RFC3: variants seen among roughly 807,000 people sequenced by gnomAD.
RFC3 encodes the protein replication factor C subunit 3.
A neutral mutation model predicts 45.1 loss-of-function variants in RFC3; 41 were observed. The ratio of observed to expected loss-of-function variants is 0.91; its 90% confidence interval spans 0.71 to 1.18. The LOEUF (loss-of-function observed/expected upper bound fraction) is 1.18, where lower values mean the gene tolerates loss of function less well. Among genes scored for constraint, RFC3 ranks in the 50% most tolerant of loss-of-function variants. RFC3 has a pLI of 0.00. For missense variants in RFC3, 423 were observed against 428.1 expected (o/e 0.99, Z 0.10); for synonymous variants, 149 against 144.0 (o/e 1.03, Z -0.25).
At chr13:33,965,206 T>G (rs1212295003) in intron 8 of RFC3, among the ~76,000 whole-genome samples, 1 of 152,164 alleles carries the variant, frequency 6.6e-6, no homozygotes, top group African/African-American at 2.4e-5. Context: ...AGTCCCAAAT[T>G]CGATATGACC....
At chr13:33,915,097 A>G (rs1410007460) in intron 8 of RFC3, among the ~76,000 whole-genome samples, 2 of 152,202 alleles carry the variant, frequency 1.3e-5, no homozygotes, top group African/African-American at 2.4e-5. Flanking sequence ...TCTTAGAGCA[A>G]TAAATAGTTG....
intron 8 of RFC3, among the ~76,000 whole-genome samples, chr13:33,950,925 C>T (rs1332087910): frequency 6.6e-6 from 1 of 152,002 alleles, no homozygotes; most frequent in Non-Finnish European, 1.5e-5. Context: ...CATGTTTACT[C>T]TTCCCTTCAC....
At chr13:33,901,492 A>G (rs1193659897) in intron 8 of RFC3, among the ~76,000 whole-genome samples, 2 of 152,036 alleles carry the variant, frequency 1.3e-5, no homozygotes, top group Admixed American at 6.6e-5. Flanking sequence ...AAATGTGGGT[A>G]TCATGGAGAT....
intron 5 of RFC3, 133 bp downstream of exon 5, chr13:33,830,150 G>A (rs1041091): frequency 1 from 726,298 of 726,322 alleles, 363,137 homozygotes; most frequent in Non-Finnish European, 1. Context: ...GCATTAATAT[G>A]TGAACAAACC....
chr13:33,837,517 T>G (rs551035026), downstream of RFC3: 1 of 152,264 alleles, frequency 6.6e-6, no homozygotes, highest in South Asian at 2.1e-4. Flanking sequence ...AGTCTTTTTG[T>G]GGACAGGTTT....
chr13:33,974,479 C>T, the RFC3 span, among the ~76,000 whole-genome samples: 5 of 152,176 alleles, frequency 3.3e-5, no homozygotes, highest in African/African-American at 1.2e-4. Context: ...TCTTCCCCAG[C>T]ATGGAATGAT....
At position 33,959,270 on chromosome 13, in the gene RFC3, A is replaced by G. The variant is rs534393064; in HGVS notation, c.880-6817A>G. ...GGTTATTTCCCTGCTTACAAACTCG[A>G]TAACTTCTCATACCTGCAGAATACA... On this transcript the variant is annotated intron_variant, in intron 8 of 8. Transcript: ENST00000434425. Among the ~76,000 whole-genome samples the G allele has an allele frequency of 2.6e-4, 39 of 152,278 alleles. No individual in the cohort carries two copies. In the South Asian group the frequency reaches 7.9e-3, roughly 31 times the overall value.
At chr13:33,821,743 A>G (rs2082005530) in intron 2 of RFC3, among the ~76,000 whole-genome samples, 6 of 152,228 alleles carry the variant, frequency 3.9e-5, no homozygotes, top group Admixed American at 3.9e-4. Flanking sequence ...TGCCCTTGCC[A>G]AGATGTCCAG....
intron 8 of RFC3, among the ~76,000 whole-genome samples, chr13:33,887,095 A>T (rs1208748047): frequency 6.9e-6 from 1 of 145,982 alleles, no homozygotes; most frequent in East Asian, 2.0e-4. Context: ...CAATAAACAT[A>T]CGTGTGCATG....
rs1432349695 is a variant in RFC3, at chr13:33,821,222, T to C, written c.178T>C (p.Tyr60His). 3.7e-6 allele frequency: 6 copies of C among 1,613,818 alleles called. No homozygotes were observed. The highest frequency in any genetic ancestry group is 3.4e-6 in the Non-Finnish European group (4 of 1,179,772). Reference protein sequence around the residue: ...TRIMCILRELYGVGVEKLRIE... With the variant: ...TRIMCILRELHGVGVEKLRIE... ...AATTATGTGTATTCTACGTGAACTT[T>C]ATGGTGTTGGAGTGGAAAAATTGAG... Residue 60 changes from tyrosine (Y) to histidine (H), a missense_variant, in exon 2 of 9, where the codon TAT (tyrosine) becomes CAT (histidine). Transcript: ENST00000380071.
intron 8 of RFC3, among the ~76,000 whole-genome samples, chr13:33,923,689 C>G (rs77738506): frequency 0.025 from 3,782 of 152,166 alleles, 164 homozygotes; most frequent in African/African-American, 0.086. Flanking sequence ...CAGGCTGATG[C>G]AATGACGAGA....
At chr13:33,927,790 G>T (rs2082823648) in intron 8 of RFC3, among the ~76,000 whole-genome samples, 2 of 152,058 alleles carry the variant, frequency 1.3e-5, no homozygotes, top group Non-Finnish European at 1.5e-5. Flanking sequence ...GACTTCTGTG[G>T]TCCTGCCTGG....
At chr13:33,877,324 C>G (rs2082454789) in intron 8 of RFC3, among the ~76,000 whole-genome samples, 1 of 152,110 alleles carries the variant, frequency 6.6e-6, no homozygotes, top group Admixed American at 6.5e-5. Flanking sequence ...GGCAGGCATT[C>G]CACAGACATT....
chr13:33,831,766 A>G (rs1197275009), intron 7 of RFC3, among the ~76,000 whole-genome samples: 3 of 152,218 alleles, frequency 2.0e-5, no homozygotes, highest in Admixed American at 6.5e-5. Context: ...TCAGACTTCT[A>G]GTTCTTGTCC....
At chr13:33,961,720 A>G (rs1566043914) in intron 8 of RFC3, among the ~76,000 whole-genome samples, 3 of 152,228 alleles carry the variant, frequency 2.0e-5, no homozygotes, top group Admixed American at 1.3e-4. Flanking sequence ...TGCAGATACA[A>G]GAGGAACACT....
intron 8 of RFC3, among the ~76,000 whole-genome samples, chr13:33,908,011 C>T (rs1230133465): frequency 6.6e-6 from 1 of 151,502 alleles, no homozygotes; most frequent in Non-Finnish European, 1.5e-5. Flanking sequence ...AGAAAGTCTT[C>T]AATGTGTTCG....
intron 8 of RFC3, among the ~76,000 whole-genome samples, chr13:33,873,622 T>G (rs895843035): frequency 1.3e-5 from 2 of 152,212 alleles, no homozygotes; most frequent in Non-Finnish European, 2.9e-5. Context: ...AAGCAGGCAC[T>G]CTAGATTCTG....
chr13:33,820,084 C>T (rs1327151229), intron 1 of RFC3, among the ~76,000 whole-genome samples: 2 of 152,192 alleles, frequency 1.3e-5, no homozygotes, highest in Non-Finnish European at 2.9e-5. Context: ...TACAGAACTT[C>T]ACCTTACAAG....
At chr13:33,926,987 G>C (rs1434328060) in intron 8 of RFC3, among the ~76,000 whole-genome samples, 4 of 151,876 alleles carry the variant, frequency 2.6e-5, no homozygotes, top group Non-Finnish European at 5.9e-5. Flanking sequence ...TGAAAATTAA[G>C]CTTCAGTGAA....
Sources: gnomAD v4.1 joint callset for allele counts (sites outside exome capture counted in the v4.1 genomes callset) on GRCh38, gnomAD v4.1.1 for gene constraint, MANE v1.5 for transcripts, NCBI Gene and HGNC (gene_info 2026-07-23, HGNC 2026-07-21) for gene names.